The following ERCC1 variants were observed in gnomAD, a reference collection of about 807,000 sequenced individuals.
The protein encoded by ERCC1 is ERCC excision repair 1, endonuclease non-catalytic subunit.
ERCC1 carries 36 observed loss-of-function variants against 37.6 expected under a neutral mutation model. The ratio of observed to expected loss-of-function variants is 0.96; its 90% CI spans 0.73 to 1.26. The LOEUF (loss-of-function observed/expected upper bound fraction) is 1.26, where lower values mean the gene tolerates loss of function less well. ERCC1 is among the 50% of genes most tolerant of loss of function. The pLI is 0.00. For missense variants in ERCC1, 349 were observed against 376.5 expected, an observed-to-expected ratio of 0.93 and a Z score of 0.60; for synonymous variants, 156 against 162.1, an observed-to-expected ratio of 0.96 and a Z score of 0.28.
intron 1 of ERCC1, among the ~76,000 whole-genome samples, chr19:45,430,898 C>A (rs1210995201): frequency 6.6e-6 from 1 of 151,594 alleles, no homozygotes; most frequent in Non-Finnish European, 1.5e-5. Context: ...CAGAGCAAGA[C>A]CTCGTCTCAA....
intron 9 of ERCC1, chr19:45,413,476 C>T: frequency 9.3e-7 from 1 of 1,073,594 alleles, no homozygotes; most frequent in South Asian, 1.3e-5. Flanking sequence ...ATGAGGTGTC[C>T]ACTTGCCCAG....
At chr19:45,416,084 G>C (rs561391467) in intron 6 of ERCC1, among the ~76,000 whole-genome samples, 31 of 152,278 alleles carry the variant, frequency 2.0e-4, no homozygotes, top group Admixed American at 2.0e-3. Context: ...TCAGTAACCT[G>C]TGATAGCACC....
At chr19:45,433,006 G>A (rs1014533332) in intron 1 of ERCC1, among the ~76,000 whole-genome samples, 8 of 152,186 alleles carry the variant, frequency 5.3e-5, no homozygotes, top group African/African-American at 1.9e-4. Context: ...CTTGAACCTG[G>A]GAGGCGGAGT....
At chr19:45,426,569 T>TAAA (rs1225772255), upstream of ERCC1, among the ~76,000 whole-genome samples, 28 of 140,134 alleles carry the variant, frequency 2.0e-4, no homozygotes, top group African/African-American at 8.8e-4. Context: ...AAAAAAAAAT[T>TAAA]TTTTTTGAGA....
intron 7 of ERCC1, 181 bp downstream of exon 7, chr19:45,414,680 T>C: frequency 1.8e-6 from 1 of 570,436 alleles, no homozygotes; most frequent in Non-Finnish European, 3.2e-6. Context: ...GATTTTGAGC[T>C]AGGGAGGGTA....
At position 45,420,404 on chromosome 19, in the gene ERCC1, G is replaced by A. The variant is rs571797380; in HGVS notation, c.345C>T (p.Phe115=). 5.0e-6 allele frequency: 8 copies of A among 1,613,332 alleles called. No individual in the cohort carries two copies. Among genetic ancestry groups the A allele is most frequent in the African/African-American group, 2.7e-5 (2 of 74,990 alleles). Residue 115 remains phenylalanine, a synonymous_variant, in exon 4 of 10, where the codon TTC becomes TTT. Coordinates refer to ENST00000300853, the MANE Select transcript of ERCC1 (RefSeq NM_001983.4). The surrounding 1 kb of genome is among the most constrained non-coding windows in gnomAD (Gnocchi z 4.8). The stretch of plus-strand genomic sequence containing the variant: ...CAAATTCCCAGGGCACATTGCGCAC[G>A]AACTTCAGTACGGGATTGCCCCTCT... ...PRQRGNPVLK[F]VRNVPWEFGD...
chr19:45,426,473 C>T (rs891835340), upstream of ERCC1, among the ~76,000 whole-genome samples: 1 of 151,144 alleles, frequency 6.6e-6, no homozygotes, highest in African/African-American at 2.4e-5. Flanking sequence ...ATTGCTTGAA[C>T]CCTGGAGGCA....
upstream of ERCC1, among the ~76,000 whole-genome samples, chr19:45,426,446 G>C (rs1488257000): frequency 6.7e-6 from 1 of 150,316 alleles, no homozygotes. Context: ...AGCTACTCAG[G>C]AGGCTGAGGC....
upstream of ERCC1, chr19:45,424,228 C>T (rs1386198481): frequency 3.0e-5 from 6 of 197,860 alleles, no homozygotes; most frequent in Admixed American, 1.9e-4. Flanking sequence ...TTCATTTATT[C>T]CACACCTATT....
rs866834412 is a variant in ERCC1 at position 45,410,077 on chromosome 19, T to C, written c.844-352A>G. 2.5e-4 allele frequency: 40 copies of C among 157,548 alleles called. 1 individual carries two copies. In the Middle Eastern group the frequency reaches 9.3e-3, roughly 36 times the overall value. 9.8% of individuals were successfully genotyped at this position (157,548 alleles called of 1,614,324 possible). ...TTTTTGTATTTTTTTTTAGTAGAGA[T>C]GGGGTTTCACCACGTTAGCCAGGAT... On this transcript the variant is annotated intron_variant, in intron 9 of 9. Coordinates refer to ENST00000300853, the MANE Select transcript of ERCC1 (RefSeq NM_001983.4).
At chr19:45,422,852 A>C (rs1974523152) in intron 2 of ERCC1, among the ~76,000 whole-genome samples, 1 of 152,294 alleles carries the variant, frequency 6.6e-6, no homozygotes, top group East Asian at 1.9e-4. Flanking sequence ...CTTCATAGCC[A>C]ATGCTCATCA....
chr19:45,446,422 T>C (rs1185849585), intron 1 of ERCC1, among the ~76,000 whole-genome samples: 1 of 152,162 alleles, frequency 6.6e-6, no homozygotes, highest in Non-Finnish European at 1.5e-5. Context: ...GGCAGCACTT[T>C]CCATTATGTT....
chr19:45,446,896 G>A (rs999489635), intron 1 of ERCC1, among the ~76,000 whole-genome samples: 18 of 152,154 alleles, frequency 1.2e-4, no homozygotes, highest in Admixed American at 5.2e-4. Context: ...TACTCAGGAG[G>A]CTGAGGCAGG....
upstream of ERCC1, among the ~76,000 whole-genome samples, chr19:45,428,015 GT>G (rs1183004354): frequency 2.0e-5 from 3 of 151,386 alleles, no homozygotes; most frequent in African/African-American, 7.3e-5. Flanking sequence ...TTATTTCCAA[GT>G]TGGCAAGTTG....
At chr19:45,440,268 C>G (rs1181370522) in intron 1 of ERCC1, among the ~76,000 whole-genome samples, 3 of 151,916 alleles carry the variant, frequency 2.0e-5, no homozygotes, top group Admixed American at 2.0e-4. Context: ...CCCACTGGTA[C>G]TCATCCGCAT....
chr19:45,414,946 C>G lies in ERCC1; in HGVS notation c.617G>C (p.Gly206Ala), dbSNP rs1253548370. Residue 206 changes from glycine (G) to alanine (A), a missense_variant, in exon 7 of 10, where the codon GGG becomes GCG. Coordinates refer to ENST00000300853, the MANE Select transcript of ERCC1 (RefSeq NM_001983.4). ...GGCCTTGTAGGTCTCCAGGTACCGC[C>G]CAGCTTCCTCGGGGCTGGGATAACA... is the stretch of plus-strand genomic sequence containing the variant. ...LILAWSPEEA[G>A]RYLETYKAYE... is the part of the protein sequence containing the mutation. The G allele has an allele frequency of 1.2e-6, 2 of 1,613,356 alleles. No homozygotes were observed. Among genetic ancestry groups the G allele is most frequent in the East Asian group, 4.5e-5 (2 of 44,862 alleles).
chr19:45,436,903 G>T (rs1974994645), intron 1 of ERCC1, among the ~76,000 whole-genome samples: 1 of 151,968 alleles, frequency 6.6e-6, no homozygotes, highest in Non-Finnish European at 1.5e-5. Context: ...ATCAACCTGG[G>T]CCATACAGTG....
intron 1 of ERCC1, among the ~76,000 whole-genome samples, chr19:45,439,009 C>CA (rs1975051203): frequency 6.6e-6 from 1 of 151,936 alleles, no homozygotes; most frequent in Non-Finnish European, 1.5e-5. Flanking sequence ...CTTCCTCTCC[C>CA]AACCCCATCT....
chr19:45,440,258 C>G (rs1028891631), intron 1 of ERCC1, among the ~76,000 whole-genome samples: 6 of 151,950 alleles, frequency 3.9e-5, no homozygotes, highest in African/African-American at 1.5e-4. Flanking sequence ...AGCGATGTCC[C>G]CCACTGGTAC....
Sources: allele counts gnomAD v4.1 joint callset (sites outside exome capture counted in the v4.1 genomes callset), GRCh38; gene constraint gnomAD v4.1.1; non-coding constraint Gnocchi (gnomAD v3.1); transcripts MANE v1.5; gene names NCBI Gene and HGNC (gene_info 2026-07-23, HGNC 2026-07-21).